Variants in GPR83 observed in about 807,000 individuals in gnomAD.
GPR83 encodes the protein G protein-coupled receptor 83.
GPR83 carries 23 observed loss-of-function variants against 28.0 expected under a neutral mutation model. That is an observed-to-expected ratio of 0.82 (90% confidence interval 0.59 to 1.16). The LOEUF is 1.16. Among genes scored for constraint, GPR83 ranks in the 50% most tolerant of loss-of-function variants. GPR83 has a pLI of 0.00. For synonymous variants in GPR83, 234 were observed against 215.4 expected (o/e 1.09, Z -0.76); for missense variants, 610 against 536.6 (o/e 1.14, Z -1.35).
In GPR83 at chr11:94,380,350, C is replaced by T. The variant is rs139090375; in HGVS notation, c.1071G>A (p.Lys357=). The T allele has an allele frequency of 7.5e-5, 121 of 1,613,902 alleles. 1 individual carries two copies. The African/African-American group carries it at 1.3e-3, about 17-fold the overall frequency. Residue 357 remains lysine (K), a synonymous_variant, in exon 4 of 4, where the codon AAG becomes AAA. Coordinates refer to ENST00000243673, the MANE Select transcript of GPR83 (RefSeq NM_016540.4). ...GTCTTTGACACATGCTCAGTAATGC[C>T]TTTAGCTCAATCCTGAAGTTCTCGT... ...WLNENFRIEL[K]ALLSMCQRPP...
In GPR83 at chr11:94,380,763, C is replaced by T. The variant is rs756863949; in HGVS notation, c.658G>A (p.Val220Met). The change falls in exon 4 of 4, where the codon GTG becomes ATG. Residue 220 changes from valine to methionine, a missense_variant. By Grantham distance (21) the Val-to-Met change is conservative (BLOSUM62 1). Coordinates refer to ENST00000243673, the MANE Select transcript of GPR83 (RefSeq NM_016540.4). ...AAGTCTGGCAGGCAGAGGGAGCGCA[C>T]AATGTCCTCACTGGGGGCAGGAAGT... Reference protein sequence around the residue: ...LFTFKYSEDIVRSLCLPDFPE... With the variant: ...LFTFKYSEDIMRSLCLPDFPE... 1 of 1,607,880 alleles carries T rather than the reference C, an allele frequency of 6.2e-7. No individual in the cohort carries two copies. The highest frequency in any genetic ancestry group is 8.5e-7 in the Non-Finnish European group (1 of 1,177,664).
rs547973421 is a variant in GPR83 at position 94,379,313 on chromosome 11, G to A, written c.*836C>T. 9.4e-5 allele frequency: 14 copies of A among 149,456 alleles called. No homozygotes were observed. Among genetic ancestry groups the A allele is most frequent in the African/African-American group, 3.2e-4 (13 of 40,510 alleles). The allele number at this position is 149,456 out of a possible 1,614,324, so 9.3% of individuals were successfully genotyped here. ...ATGAACCTGGGAGGCAGAGCTTGCA[G>A]TGAGCCGAGATTGTGCCACTGAACT... On this transcript the variant is annotated 3_prime_UTR_variant, in exon 4 of 4. Transcript: ENST00000243673.
At chr11:94,381,754 T>C (rs887312293) in intron 3 of GPR83, among the ~76,000 whole-genome samples, 4 of 152,126 alleles carry the variant, frequency 2.6e-5, no homozygotes, top group African/African-American at 9.7e-5. Flanking sequence ...ACAGCCATAA[T>C]TGGTCGGGAG....
intron 1 of GPR83, among the ~76,000 whole-genome samples, chr11:94,397,912 G>A (rs1462627227): frequency 6.6e-6 from 1 of 152,202 alleles, no homozygotes; most frequent in Non-Finnish European, 1.5e-5. Context: ...ACAGACCAGG[G>A]ATGTTACTTT....
chr11:94,387,663 CT>C (rs1944774073), intron 3 of GPR83, among the ~76,000 whole-genome samples: 2 of 152,068 alleles, frequency 1.3e-5, no homozygotes, highest in South Asian at 4.1e-4. Flanking sequence ...CAATAACAGG[CT>C]CTGAAATGGA....
chr11:94,394,349 AG>A (rs1425707045), intron 2 of GPR83, among the ~76,000 whole-genome samples: 1 of 152,196 alleles, frequency 6.6e-6, no homozygotes, highest in African/African-American at 2.4e-5. Flanking sequence ...AAATCTCACC[AG>A]GGCCCAGCTC....
At position 94,393,569 on chromosome 11, in the gene GPR83, A is replaced by G. The variant is rs1398962978; in HGVS notation, c.563T>C (p.Ile188Thr). The G allele has an allele frequency of 6.2e-7, 1 of 1,613,774 alleles. No individual in the cohort carries two copies. The highest frequency in any genetic ancestry group is 8.5e-7 in the Non-Finnish European group (1 of 1,179,764). Residue 188 changes from isoleucine (I) to threonine (T), a missense_variant, in exon 3 of 4, where the codon ATC (isoleucine) becomes ACC (threonine). Ile to Thr is a moderately conservative substitution (Grantham distance 89). Coordinates refer to ENST00000243673, the MANE Select transcript of GPR83 (RefSeq NM_016540.4). ...KPRISITKGV[I>T]YIAVIWTMAT... ...CATGGTCCAGATGACAGCGATGTAG[A>G]TGACACCCTTTGTGATTGAGATCCG...
chr11:94,381,637 C>G (rs938526736), intron 3 of GPR83, among the ~76,000 whole-genome samples: 1 of 151,800 alleles, frequency 6.6e-6, no homozygotes, highest in Non-Finnish European at 1.5e-5. Context: ...CCCTGGATCC[C>G]TGCAGTCTGG....
At chr11:94,384,815 T>C (rs945576419) in intron 3 of GPR83, among the ~76,000 whole-genome samples, 6 of 152,298 alleles carry the variant, frequency 3.9e-5, no homozygotes, top group East Asian at 1.9e-4. Context: ...CCTCTGCAGA[T>C]TTAAATGTCC....
rs1944663274 is a variant in GPR83, at chr11:94,379,647, C to T, written c.*502G>A. 1 of 152,576 alleles carries T rather than the reference C, an allele frequency of 6.6e-6. No individual in the cohort carries two copies. Among genetic ancestry groups the T allele is most frequent in the African/African-American group, 2.4e-5 (1 of 41,416 alleles). The allele number at this position is 152,576 out of a possible 1,614,324, so 9.5% of individuals were successfully genotyped here. On this transcript the variant is annotated 3_prime_UTR_variant, in exon 4 of 4. Coordinates refer to ENST00000243673, the MANE Select transcript of GPR83 (RefSeq NM_016540.4). Reference sequence around the variant, plus strand: ...CTGAAGACTTATGATTCATCATGGCCCAGTGACTCCAGAAAGTGAGGCATA... The same window carrying T: ...CTGAAGACTTATGATTCATCATGGCTCAGTGACTCCAGAAAGTGAGGCATA...
intron 3 of GPR83, among the ~76,000 whole-genome samples, chr11:94,383,066 G>A (rs1290432745): frequency 2.0e-5 from 3 of 151,892 alleles, no homozygotes; most frequent in African/African-American, 7.3e-5. Context: ...TACTCGGGAG[G>A]CTGAGGGAGG....
chr11:94,401,308 C>T lies in GPR83; in HGVS notation c.-61G>A. 6.8e-7 allele frequency: 1 copy of T among 1,476,356 alleles called. No individual in the cohort carries two copies. The highest frequency in any genetic ancestry group is 2.4e-5 in the Admixed American group (1 of 42,520). The allele number at this position is 1,476,356 out of a possible 1,614,324, so 91.5% of individuals were successfully genotyped here. A position where few individuals can be genotyped will look rare whatever the true frequency, so the allele number is the denominator to read the frequency against. On this transcript the variant is annotated 5_prime_UTR_variant, in exon 1 of 4. Coordinates refer to ENST00000243673, the MANE Select transcript of GPR83 (RefSeq NM_016540.4). The stretch of plus-strand genomic sequence containing the variant: ...GCCGGGCGTCCCCTCCCGCTGGGAT[C>T]GGAGCGCGCAGCCGGGGTGCGGGGC...
At position 94,393,472 on chromosome 11, in the gene GPR83, G is replaced by C; in HGVS notation, c.647+13C>G. On this transcript the variant is annotated intron_variant, in intron 3 of 3. Transcript: ENST00000243673. ...CACAAGTCCCCAGGCAGATCCCAACGAATTCATCTCACCTGTATTTGAAGG... is the reference window on the plus strand; with the variant it reads ...CACAAGTCCCCAGGCAGATCCCAACCAATTCATCTCACCTGTATTTGAAGG... The C allele has an allele frequency of 6.2e-7, 1 of 1,613,518 alleles. No homozygotes were observed. The highest frequency in any genetic ancestry group is 1.7e-4 in the Middle Eastern group (1 of 6,058).
chr11:94,382,742 A>G (rs1944706416), intron 3 of GPR83, among the ~76,000 whole-genome samples: 1 of 152,230 alleles, frequency 6.6e-6, no homozygotes, highest in African/African-American at 2.4e-5. Context: ...TCTTCTCAGT[A>G]CCTCATCACA....
rs1319329638 is a variant in GPR83 at position 94,388,981 on chromosome 11, A to G, written c.647+4504T>C. Among the ~76,000 whole-genome samples the G allele has an allele frequency of 6.6e-5, 10 of 152,098 alleles. No homozygotes were observed. In the East Asian group the frequency reaches 1.2e-3, roughly 18 times the overall value. On this transcript the variant is annotated intron_variant, in intron 3 of 3. Transcript: ENST00000243673. ...GTACTGGTACCAAAACAGAGATATAAACCAATGGAACAGAACAGAGCCCTC... is the reference window on the plus strand; with the variant it reads ...GTACTGGTACCAAAACAGAGATATAGACCAATGGAACAGAACAGAGCCCTC...
intron 3 of GPR83, among the ~76,000 whole-genome samples, 187 bp downstream of exon 3, chr11:94,393,297 AC>A (rs1307679518): frequency 6.6e-6 from 1 of 152,208 alleles, no homozygotes; most frequent in East Asian, 1.9e-4. Context: ...GAGAAAGCAG[AC>A]AAAATGTAGA....
intron 2 of GPR83, among the ~76,000 whole-genome samples, chr11:94,395,436 C>A (rs968473004): frequency 6.6e-6 from 1 of 152,220 alleles, no homozygotes; most frequent in Non-Finnish European, 1.5e-5. Flanking sequence ...CTTCTCAGAG[C>A]AGCATGGTCT....
At position 94,380,110 on chromosome 11, in the gene GPR83, T is replaced by C; in HGVS notation, c.*39A>G. On this transcript the variant is annotated 3_prime_UTR_variant, in exon 4 of 4. Coordinates refer to ENST00000243673, the MANE Select transcript of GPR83 (RefSeq NM_016540.4). Reference sequence around the variant, plus strand: ...ATAGGCTCTCTTTCCCTGCCTCAGGTGGAGACAGACCCCTCCCACTCCCTC... The same window carrying C: ...ATAGGCTCTCTTTCCCTGCCTCAGGCGGAGACAGACCCCTCCCACTCCCTC... 1 of 1,468,544 alleles carries C rather than the reference T, an allele frequency of 6.8e-7. No individual in the cohort carries two copies. The highest frequency in any genetic ancestry group is 1.8e-4 in the Middle Eastern group (1 of 5,518). The allele number at this position is 1,468,544 out of a possible 1,614,324, so 91.0% of individuals were successfully genotyped here.
At chr11:94,388,533 A>T (rs910784961) in intron 3 of GPR83, among the ~76,000 whole-genome samples, 1 of 152,156 alleles carries the variant, frequency 6.6e-6, no homozygotes, top group Admixed American at 6.5e-5. Context: ...CCAATAACAG[A>T]CAAACAGAGA....
Sources: allele counts gnomAD v4.1 joint callset (sites outside exome capture counted in the v4.1 genomes callset), GRCh38; gene constraint gnomAD v4.1.1; transcripts MANE v1.5; gene names NCBI Gene and HGNC (gene_info 2026-07-23, HGNC 2026-07-21).